The following SNTG1 variants were observed in gnomAD, a reference collection of about 807,000 sequenced individuals.
The protein encoded by SNTG1 is gamma-1-syntrophin.
Under a neutral mutation model 74.7 loss-of-function variants are expected in SNTG1, and 39 were observed. The observed-to-expected ratio is 0.52, with a 90% confidence interval of 0.40 to 0.68. The LOEUF (loss-of-function observed/expected upper bound fraction) is 0.68, where lower values mean the gene tolerates loss of function less well. SNTG1 is among the 30% of genes least tolerant of loss of function. The pLI is 0.00. For synonymous variants in SNTG1, 254 were observed against 217.1 expected (o/e 1.17, Z -1.49); for missense variants, 685 against 609.5 (o/e 1.12, Z -1.30).
chr8:50,359,877 T>C (rs907717147), intron 2 of SNTG1, among the ~76,000 whole-genome samples: 10 of 152,186 alleles, frequency 6.6e-5, no homozygotes, highest in Non-Finnish European at 1.3e-4. Context: ...TCTCTTTTTA[T>C]TTTTTCACTG....
At chr8:50,717,321 C>T (rs916724379) in intron 17 of SNTG1, among the ~76,000 whole-genome samples, 2 of 151,956 alleles carry the variant, frequency 1.3e-5, no homozygotes, top group African/African-American at 4.8e-5. Flanking sequence ...CTTTTCTCAT[C>T]GTATTTTAGT....
At chr8:50,704,544 A>T in intron 15 of SNTG1, 56 bp from the exon 16 acceptor site, 1 of 1,611,700 alleles carries the variant, frequency 6.2e-7, no homozygotes, top group Non-Finnish European at 8.5e-7. Context: ...AGGAATGGCC[A>T]GGTTAGCAAT....
At chr8:50,519,376 C>T (rs1240012713) in intron 9 of SNTG1, among the ~76,000 whole-genome samples, 1 of 152,120 alleles carries the variant, frequency 6.6e-6, no homozygotes, top group Non-Finnish European at 1.5e-5. Flanking sequence ...TGGAAGCATT[C>T]CCTTTGAAAA....
intron 15 of SNTG1, among the ~76,000 whole-genome samples, chr8:50,694,939 A>G (rs992452865): frequency 6.6e-6 from 1 of 151,846 alleles, no homozygotes; most frequent in East Asian, 1.9e-4. Context: ...GTACTTCAAC[A>G]CAATAAAGGC....
intron 1 of SNTG1, among the ~76,000 whole-genome samples, chr8:50,036,881 C>G (rs1563505362): frequency 6.6e-6 from 1 of 152,162 alleles, no homozygotes; most frequent in East Asian, 1.9e-4. Context: ...AGCTGACACT[C>G]TTTTGGGATT....
intron 1 of SNTG1, among the ~76,000 whole-genome samples, chr8:50,046,337 A>G (rs1283653874): frequency 6.6e-6 from 1 of 152,050 alleles, no homozygotes; most frequent in Non-Finnish European, 1.5e-5. Context: ...GTGCTCTTTG[A>G]TCTATTTTCT....
intron 1 of SNTG1, among the ~76,000 whole-genome samples, chr8:49,937,713 A>C (rs773572761): frequency 7.9e-5 from 12 of 152,204 alleles, no homozygotes; most frequent in Admixed American, 2.6e-4. Context: ...ATGACAAGGG[A>C]AACCAGAGGT....
intron 1 of SNTG1, among the ~76,000 whole-genome samples, chr8:49,953,448 A>T (rs1259505505): frequency 6.6e-6 from 1 of 152,186 alleles, no homozygotes; most frequent in Admixed American, 6.5e-5. Context: ...TAGAGATTAC[A>T]AGTGCCCTTA....
intron 2 of SNTG1, among the ~76,000 whole-genome samples, chr8:50,372,827 T>C (rs2092298258): frequency 6.6e-6 from 1 of 152,126 alleles, no homozygotes; most frequent in Admixed American, 6.5e-5. Flanking sequence ...AGAAACTGCA[T>C]GCCGGGTTGA....
chr8:50,029,068 G>C (rs1052515164), intron 1 of SNTG1, among the ~76,000 whole-genome samples: 1 of 151,208 alleles, frequency 6.6e-6, no homozygotes, highest in Non-Finnish European at 1.5e-5. Context: ...CAAATCTTTT[G>C]TTTGTATTTT....
At chr8:50,450,653 T>C (rs2093447682) in intron 7 of SNTG1, 35 bp from the exon 8 acceptor site, 1 of 1,613,438 alleles carries the variant, frequency 6.2e-7, no homozygotes. Flanking sequence ...ATTTACAATA[T>C]GCCATGGGAA....
intron 2 of SNTG1, among the ~76,000 whole-genome samples, chr8:50,193,078 T>A (rs1353171748): frequency 6.6e-6 from 1 of 152,128 alleles, no homozygotes; most frequent in Non-Finnish European, 1.5e-5. Flanking sequence ...TGAAATCAGG[T>A]AGTGTGATGC....
chr8:50,376,756 T>TAGAGAGAGAGAGAGAGAG (rs58103614), intron 2 of SNTG1, among the ~76,000 whole-genome samples: 61 of 89,958 alleles, frequency 6.8e-4, no homozygotes, highest in Non-Finnish European at 9.9e-4. Context: ...TATATATATA[T>TAGAGAGAGAGAGAGAGAG]AGAGAGAGAG....
At chr8:50,434,844 C>A (rs1245394844) in intron 4 of SNTG1, among the ~76,000 whole-genome samples, 1 of 152,076 alleles carries the variant, frequency 6.6e-6, no homozygotes, top group South Asian at 2.1e-4. Flanking sequence ...GTTCTACAAA[C>A]AATAATGTAT....
chr8:50,182,819 C>T (rs375319661), intron 2 of SNTG1, among the ~76,000 whole-genome samples: 2 of 152,102 alleles, frequency 1.3e-5, no homozygotes, highest in East Asian at 3.9e-4. Flanking sequence ...TCCCATATCA[C>T]TCCTCTTTTT....
intron 13 of SNTG1, among the ~76,000 whole-genome samples, chr8:50,600,731 A>T (rs901252168): frequency 1.3e-5 from 2 of 151,978 alleles, no homozygotes; most frequent in Non-Finnish European, 2.9e-5. Context: ...ATCTGTTTAA[A>T]AAACAACTTT....
At chr8:50,059,284 A>G (rs1820280962) in intron 1 of SNTG1, among the ~76,000 whole-genome samples, 1 of 152,132 alleles carries the variant, frequency 6.6e-6, no homozygotes, top group Non-Finnish European at 1.5e-5. Context: ...GCCAGATTGC[A>G]TAGCAGTTGC....
At chr8:50,407,838 G>T (rs1244033771) in intron 4 of SNTG1, among the ~76,000 whole-genome samples, 2 of 152,188 alleles carry the variant, frequency 1.3e-5, no homozygotes, top group African/African-American at 4.8e-5. Flanking sequence ...GGAGTGGGTT[G>T]TACTGACTGG....
chr8:50,477,354 AC>A (rs760602750), intron 8 of SNTG1, among the ~76,000 whole-genome samples: 2 of 152,072 alleles, frequency 1.3e-5, no homozygotes, highest in East Asian at 3.9e-4. Flanking sequence ...GAGGAAAATG[AC>A]CCTTTATTTC....
Sources: gnomAD v4.1 joint callset for allele counts (sites outside exome capture counted in the v4.1 genomes callset) on GRCh38, gnomAD v4.1.1 for gene constraint, MANE v1.5 for transcripts, NCBI Gene and HGNC (gene_info 2026-07-23, HGNC 2026-07-21) for gene names.